The following ELF2 variants were observed in gnomAD, a reference collection of about 807,000 sequenced individuals.
ELF2 encodes the protein E74 like ETS transcription factor 2.
In ELF2, 11 loss-of-function variants were observed where a neutral mutation model predicts 54.8. The observed-to-expected ratio is 0.20, with a 90% CI of 0.13 to 0.33. The LOEUF is 0.33. Among genes scored for constraint, ELF2 ranks in the 10% least tolerant of loss-of-function variants. The probability of loss-of-function intolerance (pLI) is 1.00; values close to 1 mark genes in which losing one functional copy is unlikely to be tolerated. For missense variants in ELF2, 513 were observed against 703.0 expected (o/e 0.73, Z 3.06); for synonymous variants, 203 against 245.1 (o/e 0.83, Z 1.61).
rs555834671 is a variant in ELF2 at position 139,175,713 on chromosome 4, T to G, written c.-252+1254A>C. Among the ~76,000 whole-genome samples, 39 of 152,316 alleles carry G rather than the reference T, an allele frequency of 2.6e-4. 1 individual carries two copies. Among genetic ancestry groups the G allele is most frequent in the African/African-American group, 8.7e-4 (36 of 41,560 alleles). ...ACAAATCTGATTATCAAACACACGA[T>G]TACTATTCTCTCATCACCGGATTAC... On this transcript the variant is annotated intron_variant, in intron 1 of 9. Coordinates refer to ENST00000686138, the MANE Select transcript of ELF2 (RefSeq NM_001331036.3).
intron 4 of ELF2, among the ~76,000 whole-genome samples, chr4:139,074,887 T>C (rs1209002732): frequency 6.6e-6 from 1 of 152,160 alleles, no homozygotes; most frequent in East Asian, 1.9e-4. Flanking sequence ...TTCTAGGATT[T>C]TGGTATCTGC....
intron 4 of ELF2, among the ~76,000 whole-genome samples, chr4:139,077,415 ATTAC>A (rs1730459632): frequency 6.6e-6 from 1 of 152,180 alleles, no homozygotes; most frequent in African/African-American, 2.4e-5. Context: ...AGGAACACTG[ATTAC>A]TTTTTTACTG....
intron 4 of ELF2, among the ~76,000 whole-genome samples, chr4:139,095,218 TC>T (rs1316845702): frequency 2.0e-5 from 3 of 151,852 alleles, no homozygotes; most frequent in African/African-American, 7.3e-5. Context: ...AGAGTCTCAT[TC>T]TGTTGCCCAG....
chr4:139,101,745 T>C (rs1733894737), intron 4 of ELF2: 1 of 152,194 alleles, frequency 6.6e-6, no homozygotes, highest in African/African-American at 2.4e-5. Context: ...TTCTTCCTTT[T>C]TTATGGAGGC....
At chr4:139,079,181 T>C (rs1354016414) in intron 4 of ELF2, among the ~76,000 whole-genome samples, 3 of 152,160 alleles carry the variant, frequency 2.0e-5, no homozygotes, top group Admixed American at 2.0e-4. Flanking sequence ...CCTCCTGCCT[T>C]GGCCTCCCAA....
chr4:139,115,295 C>T (rs1404550534), intron 4 of ELF2: 10 of 1,590,676 alleles, frequency 6.3e-6, no homozygotes, highest in South Asian at 3.4e-5. Flanking sequence ...AAAGTAGACG[C>T]GTGGTCCTGG....
At chr4:139,092,964 A>AT (rs1264550708) in intron 4 of ELF2, among the ~76,000 whole-genome samples, 4 of 150,638 alleles carry the variant, frequency 2.7e-5, no homozygotes, top group Non-Finnish European at 4.4e-5. Context: ...AATAGTAAAT[A>AT]ATTTTTTTTT....
chr4:139,070,355 A>G (rs1373982503), intron 6 of ELF2, among the ~76,000 whole-genome samples: 1 of 151,112 alleles, frequency 6.6e-6, no homozygotes, highest in East Asian at 2.0e-4. Flanking sequence ...CACTGGTGCA[A>G]TCTCGGCTCA....
At chr4:139,087,076 G>C (rs1014247117) in intron 4 of ELF2, among the ~76,000 whole-genome samples, 1 of 152,122 alleles carries the variant, frequency 6.6e-6, no homozygotes, top group Non-Finnish European at 1.5e-5. Flanking sequence ...AGTATTTACT[G>C]TTTTTGATAC....
At chr4:139,122,841 C>G (rs1003577445) in intron 4 of ELF2, among the ~76,000 whole-genome samples, 1 of 151,782 alleles carries the variant, frequency 6.6e-6, no homozygotes, top group Admixed American at 6.6e-5. Context: ...GATTAGCTGA[C>G]TTGAAAACTA....
chr4:139,109,292 A>G (rs1734725564), intron 4 of ELF2, among the ~76,000 whole-genome samples: 2 of 152,224 alleles, frequency 1.3e-5, no homozygotes, highest in Admixed American at 6.5e-5. Flanking sequence ...ACAAAATTAA[A>G]AAATTAAAAC....
At chr4:139,121,298 C>T (rs545919154) in intron 4 of ELF2, among the ~76,000 whole-genome samples, 10 of 150,712 alleles carry the variant, frequency 6.6e-5, no homozygotes, top group South Asian at 4.2e-4. Flanking sequence ...TTAGTAGAGA[C>T]GGGGTTTCAC....
intron 1 of ELF2, among the ~76,000 whole-genome samples, chr4:139,171,749 C>G (rs930738310): frequency 1.3e-5 from 2 of 152,012 alleles, no homozygotes; most frequent in African/African-American, 4.8e-5. Flanking sequence ...ATGGTGAAAC[C>G]CCGTCTCCAC....
At chr4:139,067,484 A>T (rs966317153) in intron 7 of ELF2, 200 bp downstream of exon 7, 13 of 526,900 alleles carry the variant, frequency 2.5e-5, no homozygotes, top group Non-Finnish European at 4.4e-5. Flanking sequence ...TGGTTACAGA[A>T]TCTCTGTGGT....
At chr4:139,116,655 T>A in intron 4 of ELF2, 1 of 985,292 alleles carries the variant, frequency 1.0e-6, no homozygotes, top group Non-Finnish European at 1.2e-6. Context: ...CTACCAGCAT[T>A]GTCTTCCTTC....
intron 5 of ELF2, 127 bp downstream of exon 5, chr4:139,073,327 T>A (rs1044004098): frequency 6.0e-5 from 29 of 486,856 alleles, no homozygotes; most frequent in Admixed American, 5.1e-4. Context: ...ACTGCTGTCA[T>A]GTATTCATGT....
chr4:139,111,674 C>A (rs1734960449), intron 4 of ELF2, among the ~76,000 whole-genome samples: 1 of 152,102 alleles, frequency 6.6e-6, no homozygotes, highest in Admixed American at 6.6e-5. Flanking sequence ...AAAGTTTATA[C>A]AAATGGGCAT....
intron 6 of ELF2, among the ~76,000 whole-genome samples, chr4:139,068,314 C>T (rs902023247): frequency 2.6e-5 from 4 of 152,188 alleles, no homozygotes; most frequent in African/African-American, 9.7e-5. Context: ...CCACTGTACC[C>T]GGCCTTGCCA....
intron 3 of ELF2, among the ~76,000 whole-genome samples, chr4:139,128,479 T>C (rs563671672): frequency 1.1e-3 from 167 of 152,180 alleles, no homozygotes; most frequent in African/African-American, 3.9e-3. Context: ...TTGTAATCTA[T>C]GTTCCACCAC....
Sources: gnomAD v4.1 joint callset for allele counts (sites outside exome capture counted in the v4.1 genomes callset) on GRCh38, gnomAD v4.1.1 for gene constraint, MANE v1.5 for transcripts, NCBI Gene and HGNC (gene_info 2026-07-23, HGNC 2026-07-21) for gene names.